The following WNK2 variants were observed in gnomAD, a reference collection of about 807,000 sequenced individuals.
WNK2 encodes the protein WNK lysine deficient protein kinase 2.
Under a neutral mutation model 192.1 loss-of-function variants are expected in WNK2, and 67 were observed. That is an observed-to-expected ratio of 0.35 (90% CI 0.29 to 0.43). The LOEUF is 0.43. WNK2 is among the 20% of genes least tolerant of loss of function. The pLI, the probability that WNK2 is intolerant of heterozygous loss-of-function variation, is 1.00. For missense variants in WNK2, 2,698 were observed against 3,089.7 expected (o/e 0.87, Z 3.01); for synonymous variants, 1,439 against 1,393.9 (o/e 1.03, Z -0.72).
chr9:93,297,755 A>G (rs563367819), intron 23 of WNK2, 98 bp from the exon 24 acceptor site: 76 of 1,294,068 alleles, frequency 5.9e-5, no homozygotes, highest in Non-Finnish European at 7.4e-5. Flanking sequence ...CCCACCCTTC[A>G]TCCCATGTTC....
chr9:93,318,392 C>T, intron 29 of WNK2: 2 of 1,613,982 alleles, frequency 1.2e-6, no homozygotes, highest in South Asian at 2.2e-5. Context: ...TGCCGGTTCC[C>T]TGGGCTCATC....
chr9:93,289,644 G>A (rs1848999597), intron 20 of WNK2, 24 bp downstream of exon 20: 6 of 1,441,018 alleles, frequency 4.2e-6, no homozygotes, highest in Non-Finnish European at 5.4e-6. Flanking sequence ...TTGTCCCAGA[G>A]ACACTGCCCT....
intron 7 of WNK2, among the ~76,000 whole-genome samples, chr9:93,243,952 C>T (rs1278847474): frequency 1.3e-5 from 2 of 152,238 alleles, no homozygotes; most frequent in African/African-American, 2.4e-5. Context: ...TGAGATTAGG[C>T]CGGGTGCAGT....
intron 19 of WNK2, among the ~76,000 whole-genome samples, chr9:93,287,282 G>C (rs1246582846): frequency 6.6e-6 from 1 of 152,146 alleles, no homozygotes; most frequent in Non-Finnish European, 1.5e-5. Flanking sequence ...GAAGCACCTT[G>C]GCACCCTTAC....
intron 2 of WNK2, among the ~76,000 whole-genome samples, chr9:93,208,163 C>A (rs1833735542): frequency 6.6e-6 from 1 of 152,218 alleles, no homozygotes; most frequent in Non-Finnish European, 1.5e-5. Context: ...CAGGGGACGT[C>A]CCCAGGTCCA....
intron 7 of WNK2, among the ~76,000 whole-genome samples, chr9:93,242,813 G>A (rs1564069535): frequency 6.6e-6 from 1 of 152,230 alleles, no homozygotes; most frequent in Non-Finnish European, 1.5e-5. Flanking sequence ...CTTGCAGGGA[G>A]TTACCTCTAT....
chr9:93,231,167 G>A, intron 4 of WNK2, 59 bp downstream of exon 4: 1 of 1,515,226 alleles, frequency 6.6e-7, no homozygotes, highest in Non-Finnish European at 9.1e-7. Flanking sequence ...GCAGCAGTGA[G>A]TGCTGGCGAG....
At chr9:93,255,174 C>T (rs965216541) in intron 9 of WNK2, among the ~76,000 whole-genome samples, 1 of 152,164 alleles carries the variant, frequency 6.6e-6, no homozygotes, top group African/African-American at 2.4e-5. Context: ...GGAAGGAGTC[C>T]CCAGGTGTGC....
chr9:93,268,108 A>G (rs1332584605), intron 18 of WNK2, 43 bp downstream of exon 18: 2 of 1,578,572 alleles, frequency 1.3e-6, no homozygotes, highest in Admixed American at 1.8e-5. Flanking sequence ...CAGGCGTTTG[A>G]TGAAAGTCCC....
At chr9:93,233,438 C>A (rs965474030) in intron 4 of WNK2, among the ~76,000 whole-genome samples, 3 of 151,870 alleles carry the variant, frequency 2.0e-5, no homozygotes, top group African/African-American at 7.3e-5. Context: ...ACTCACACCT[C>A]TAATCCCAGT....
chr9:93,229,635 G>A lies in WNK2; in HGVS notation c.682-61G>A, dbSNP rs557277301. On this transcript the variant is annotated intron_variant, in intron 2 of 29. Coordinates refer to ENST00000427277, the MANE Select transcript of WNK2 (RefSeq NM_006648.4). This position sits in a 1 kb window ranked among gnomAD's most constrained non-coding sequence, Gnocchi z 4.9. The stretch of plus-strand genomic sequence containing the variant: ...CTGTGTGGCGCTGCTGGGATGTGAC[G>A]CCACCGTGTCCCCTTCTGTGTCCCA... 75 of 1,551,064 alleles carry A rather than the reference G, an allele frequency of 4.8e-5. No homozygotes were observed. The highest frequency in any genetic ancestry group is 2.9e-4 in the Admixed American group (16 of 54,340).
At chr9:93,294,185 C>T (rs1471399603) in intron 23 of WNK2, among the ~76,000 whole-genome samples, 1 of 152,098 alleles carries the variant, frequency 6.6e-6, no homozygotes, top group Non-Finnish European at 1.5e-5. Flanking sequence ...CCTGCGAGCC[C>T]TCTCTGCACA....
chr9:93,256,163 T>G (rs553281952), intron 9 of WNK2, 136 bp from the exon 10 acceptor site: 3 of 1,094,648 alleles, frequency 2.7e-6, no homozygotes, highest in Non-Finnish European at 3.7e-6. Context: ...TCACTGCTTC[T>G]GCTGTCATGT....
intron 26 of WNK2, among the ~76,000 whole-genome samples, chr9:93,301,559 G>A (rs1851617898): frequency 6.6e-6 from 1 of 152,208 alleles, no homozygotes; most frequent in Admixed American, 6.5e-5. Flanking sequence ...TTGCTGAGTT[G>A]AATCTGGGGA....
At chr9:93,213,135 AAG>A (rs1234857021) in intron 2 of WNK2, among the ~76,000 whole-genome samples, 1 of 152,088 alleles carries the variant, frequency 6.6e-6, no homozygotes, top group Non-Finnish European at 1.5e-5. Context: ...GAAGGGATAT[AAG>A]AGCCGTCTTC....
In WNK2 at chr9:93,267,724, C is replaced by T. The variant is rs776744940; in HGVS notation, c.3697-22C>T. ...GTCTTGGCCTTGCAGCTGGTCCTCACTGGCAGTATGTCCCTTTGCAGGTGG... is the reference window on the plus strand; with the variant it reads ...GTCTTGGCCTTGCAGCTGGTCCTCATTGGCAGTATGTCCCTTTGCAGGTGG... On this transcript the variant is annotated intron_variant, in intron 16 of 29. Coordinates refer to ENST00000427277, the MANE Select transcript of WNK2 (RefSeq NM_006648.4). The T allele has an allele frequency of 2.6e-6, 4 of 1,551,494 alleles. No homozygotes were observed. In the Admixed American group the frequency reaches 5.6e-5, roughly 22 times the overall value.
intron 2 of WNK2, among the ~76,000 whole-genome samples, chr9:93,193,757 C>A (rs1830750318): frequency 6.6e-6 from 1 of 152,236 alleles, no homozygotes; most frequent in South Asian, 2.1e-4. Flanking sequence ...ACATCCAATT[C>A]TCTTCCCTGG....
At chr9:93,210,494 C>T (rs1474339003) in intron 2 of WNK2, among the ~76,000 whole-genome samples, 1 of 152,120 alleles carries the variant, frequency 6.6e-6, no homozygotes, top group Non-Finnish European at 1.5e-5. Context: ...AACCCAGGTG[C>T]TGGGGAACTC....
At chr9:93,189,967 G>A (rs1305990962) in intron 2 of WNK2, among the ~76,000 whole-genome samples, 1 of 152,194 alleles carries the variant, frequency 6.6e-6, no homozygotes, top group Non-Finnish European at 1.5e-5. Context: ...CACTTACTGG[G>A]GCAAGACAAT....
Sources: allele counts gnomAD v4.1 joint callset (sites outside exome capture counted in the v4.1 genomes callset), GRCh38; gene constraint gnomAD v4.1.1; non-coding constraint Gnocchi (gnomAD v3.1); transcripts MANE v1.5; gene names NCBI Gene and HGNC (gene_info 2026-07-23, HGNC 2026-07-21).